CIB1: variants seen among roughly 807,000 people sequenced by gnomAD.
CIB1 encodes the protein calcium and integrin-binding protein 1.
Under a neutral mutation model 25.0 loss-of-function variants are expected in CIB1, and 19 were observed. The ratio of observed to expected loss-of-function variants is 0.76; its 90% CI spans 0.53 to 1.12. The LOEUF is 1.12. Among genes scored for constraint, CIB1 ranks in the 50% most tolerant of loss-of-function variants. The pLI, the probability that CIB1 is intolerant of heterozygous loss-of-function variation, is 0.00. For missense variants in CIB1, 236 were observed against 242.6 expected, an observed-to-expected ratio of 0.97 and a Z score of 0.18; for synonymous variants, 104 against 98.5, an observed-to-expected ratio of 1.06 and a Z score of -0.33.
Position 90,233,823 on chromosome 15 carries a change from C to T in CIB1, c.51+12G>A, listed in dbSNP as rs1274258243. Reference sequence around the variant, plus strand: ...CGCACGCGAGCTCCCCAGGGCCAGGCGTCCCGCGCACCTGGTACTCGGCCA... The same window carrying T: ...CGCACGCGAGCTCCCCAGGGCCAGGTGTCCCGCGCACCTGGTACTCGGCCA... On this transcript the variant is annotated intron_variant, in intron 1 of 6. Transcript: ENST00000328649. The T allele has an allele frequency of 6.5e-7, 1 of 1,544,684 alleles. No individual in the cohort carries two copies. Among genetic ancestry groups the T allele is most frequent in the Non-Finnish European group, 8.7e-7 (1 of 1,144,384 alleles).
chr15:90,256,918 A>T, the CIB1 span, among the ~76,000 whole-genome samples: 1 of 151,736 alleles, frequency 6.6e-6, no homozygotes, highest in East Asian at 2.0e-4. Flanking sequence ...GAACTCCTGA[A>T]CTCGTGATCC....
At chr15:90,245,116 T>C in the CIB1 span, 1 of 152,188 alleles carries the variant, frequency 6.6e-6, no homozygotes, top group East Asian at 1.9e-4. Context: ...AGGTTTTACA[T>C]CCCAAATGAT....
At chr15:90,236,934 C>T (rs778112070), upstream of CIB1, among the ~76,000 whole-genome samples, 14 of 151,748 alleles carry the variant, frequency 9.2e-5, no homozygotes, top group South Asian at 2.1e-4. Flanking sequence ...GTGATAAAAC[C>T]GAGCTGCTGA....
chr15:90,265,639 T>C, the CIB1 span: 1 of 1,576,210 alleles, frequency 6.3e-7, no homozygotes, highest in Non-Finnish European at 8.7e-7. Context: ...GGCCCGCCCC[T>C]TCCACTTCCG....
chr15:90,243,240 G>C, the CIB1 span: 11 of 152,292 alleles, frequency 7.2e-5, no homozygotes, highest in African/African-American at 2.4e-4. Context: ...CCACCCAAAT[G>C]CCCCACTCCT....
chr15:90,251,562 C>T, the CIB1 span: 5 of 1,614,022 alleles, frequency 3.1e-6, no homozygotes, highest in South Asian at 2.2e-5. Flanking sequence ...AGATCACTGG[C>T]CATCAACCTG....
At chr15:90,231,535 G>T (rs751067207) in intron 3 of CIB1, 28 bp from the exon 4 acceptor site, 2 of 1,609,216 alleles carry the variant, frequency 1.2e-6, no homozygotes, top group Non-Finnish European at 1.7e-6. Flanking sequence ...ACAGGACGTG[G>T]CCCAGGTCAC....
chr15:90,237,832 G>T (rs757363288), upstream of CIB1, among the ~76,000 whole-genome samples: 2 of 152,048 alleles, frequency 1.3e-5, no homozygotes, highest in African/African-American at 2.4e-5. Context: ...AGTGCCTGTG[G>T]TCCCAGCTAC....
chr15:90,251,376 G>A, the CIB1 span, among the ~76,000 whole-genome samples: 1 of 146,500 alleles, frequency 6.8e-6, no homozygotes, highest in Non-Finnish European at 1.5e-5. Context: ...CACCCGCCTC[G>A]GCCTCCCAAA....
chr15:90,256,418 T>G, the CIB1 span: 1 of 1,239,178 alleles, frequency 8.1e-7, no homozygotes, highest in Non-Finnish European at 1.1e-6. Flanking sequence ...AGCCCCGTTT[T>G]CCTGGAGGCA....
At chr15:90,264,162 G>A in the CIB1 span, 35 of 699,438 alleles carry the variant, frequency 5.0e-5, no homozygotes, top group Non-Finnish European at 2.6e-5. Flanking sequence ...TTCCACCAGT[G>A]TAAGAATGGG....
the CIB1 span, chr15:90,257,663 C>T: frequency 6.2e-7 from 1 of 1,614,086 alleles, no homozygotes; most frequent in Non-Finnish European, 8.5e-7. Context: ...ACCTGACCAA[C>T]TATGCTATCA....
chr15:90,235,576 C>CT (rs886682381), upstream of CIB1, among the ~76,000 whole-genome samples: 124 of 150,542 alleles, frequency 8.2e-4, no homozygotes, highest in African/African-American at 2.2e-3. Flanking sequence ...TCATTTTTCT[C>CT]TTTTTTTTTG....
the CIB1 span, among the ~76,000 whole-genome samples, chr15:90,239,615 A>G: frequency 6.6e-6 from 1 of 152,172 alleles, no homozygotes; most frequent in African/African-American, 2.4e-5. Context: ...CCCATGATTC[A>G]TTTACTTTCC....
chr15:90,254,192 T>TGTTG, the CIB1 span, among the ~76,000 whole-genome samples: 1 of 110,198 alleles, frequency 9.1e-6, no homozygotes, highest in East Asian at 3.6e-4. Flanking sequence ...GACCCTGTTT[T>TGTTG]TTTTTTTTTT....
At chr15:90,244,573 C>T in the CIB1 span, 1 of 152,122 alleles carries the variant, frequency 6.6e-6, no homozygotes. Flanking sequence ...CACCTTTAAT[C>T]CTAGCACTTT....
chr15:90,232,231 A>G lies in CIB1; in HGVS notation c.183T>C (p.Leu61=), dbSNP rs866992489. Residue 61 remains leucine, a synonymous_variant, in exon 3 of 7, where the codon CTT becomes CTC. Transcript: ENST00000328649. ...GGAGCGCTTGCACCTTGAGCTCTGG[A>G]AGGCTGAGAATCTGCTCGAAGGGCA... is the stretch of plus-strand genomic sequence containing the variant. The part of the protein sequence containing the change: ...AQVPFEQILS[L]PELKANPFKE... 6.2e-7 allele frequency: 1 copy of G among 1,611,182 alleles called. No individual in the cohort carries two copies.
At chr15:90,250,682 G>A in the CIB1 span, 2 of 1,614,120 alleles carry the variant, frequency 1.2e-6, no homozygotes, top group South Asian at 1.1e-5. Flanking sequence ...CTATGTTGAG[G>A]AAAAGGAATC....
chr15:90,257,764 G>A, the CIB1 span: 1 of 1,588,278 alleles, frequency 6.3e-7, no homozygotes, highest in Non-Finnish European at 8.6e-7. Flanking sequence ...CTGCCCCTTA[G>A]CCCCACAGTC....
Sources: gnomAD v4.1 joint callset for allele counts (sites outside exome capture counted in the v4.1 genomes callset) on GRCh38, gnomAD v4.1.1 for gene constraint, MANE v1.5 for transcripts, NCBI Gene and HGNC (gene_info 2026-07-23, HGNC 2026-07-21) for gene names.